SDHB: variants seen among roughly 807,000 people sequenced by gnomAD.
SDHB encodes the protein succinate dehydrogenase [ubiquinone] iron-sulfur subunit, mitochondrial.
SDHB carries 21 observed loss-of-function variants against 39.7 expected under a neutral mutation model. That is an observed-to-expected ratio of 0.53 (90% CI 0.37 to 0.76). The LOEUF is 0.76. Ranked by LOEUF, SDHB falls within the 30% of genes least tolerant of loss-of-function variation. The probability of loss-of-function intolerance (pLI) is 0.00; values close to 1 mark genes in which losing one functional copy is unlikely to be tolerated. For synonymous variants in SDHB, 118 were observed against 117.0 expected (o/e 1.01, Z -0.06); for missense variants, 343 against 350.9 (o/e 0.98, Z 0.18).
At chr1:17,029,099 T>TC (rs1284951546) in intron 3 of SDHB, among the ~76,000 whole-genome samples, 1 of 139,268 alleles carries the variant, frequency 7.2e-6, no homozygotes, top group Non-Finnish European at 1.5e-5. Context: ...GCCTGTTTTT[T>TC]TTTTTTTTTT....
chr1:17,036,159 G>A (rs905251261), intron 2 of SDHB, among the ~76,000 whole-genome samples: 2 of 152,122 alleles, frequency 1.3e-5, no homozygotes, highest in African/African-American at 4.8e-5. Flanking sequence ...GATGGGGATT[G>A]CAATGAATCT....
chr1:17,022,951 C>G (rs1255418555), intron 6 of SDHB: 5 of 530,220 alleles, frequency 9.4e-6, no homozygotes, highest in Non-Finnish European at 1.7e-5. Context: ...CCATACTGCA[C>G]CTGGTACCCG....
intron 2 of SDHB, among the ~76,000 whole-genome samples, chr1:17,041,241 A>G (rs2078078420): frequency 6.6e-6 from 1 of 152,200 alleles, no homozygotes; most frequent in South Asian, 2.1e-4. Flanking sequence ...GCCATCCGGT[A>G]AATTTTCCTT....
Position 17,036,993 on chromosome 1 carries a change from C to T in SDHB, c.201-3848G>A, listed in dbSNP as rs372915163. The stretch of plus-strand genomic sequence containing the variant: ...CATTTATCTGCTAATATCTGCTACA[C>T]GCCAGTATTTTCAGAAAAAGAATTA... On this transcript the variant is annotated intron_variant, in intron 2 of 7. Transcript: ENST00000375499. 4.6e-5 allele frequency among the ~76,000 whole-genome samples: 7 copies of T among 151,698 alleles called. No homozygotes were observed. The East Asian group carries it at 5.8e-4, about 13-fold the overall frequency.
chr1:17,054,026 T>G lies in SDHB; in HGVS notation c.-7A>C. On this transcript the variant is annotated 5_prime_UTR_variant, in exon 1 of 8. Coordinates refer to ENST00000375499, the MANE Select transcript of SDHB (RefSeq NM_003000.3). Reference sequence around the variant, plus strand: ...GGGCGACCACCGCCGCCATCTTGGCTCCTGACGTCAGCCCCACCCCTTAAC... The same window carrying G: ...GGGCGACCACCGCCGCCATCTTGGCGCCTGACGTCAGCCCCACCCCTTAAC... 6.2e-7 allele frequency: 1 copy of G among 1,607,792 alleles called. No homozygotes were observed. The highest frequency in any genetic ancestry group is 8.5e-7 in the Non-Finnish European group (1 of 1,176,112).
rs934611904 is a variant in SDHB at position 17,028,460 on chromosome 1, G to A, written c.423+140C>T. 13 of 847,946 alleles carry A rather than the reference G, an allele frequency of 1.5e-5. No individual in the cohort carries two copies. The African/African-American group carries it at 2.0e-4, about 13-fold the overall frequency. 52.5% of individuals were successfully genotyped at this position (847,946 alleles called of 1,614,324 possible). ...TCCTCCTGCCATAATATAGGAAACA[G>A]TCCCATCTATTTACTATCTGACTAG... On this transcript the variant is annotated intron_variant, in intron 4 of 7. Coordinates refer to ENST00000375499, the MANE Select transcript of SDHB (RefSeq NM_003000.3).
At chr1:17,030,645 C>G (rs1471025172) in intron 3 of SDHB, among the ~76,000 whole-genome samples, 1 of 151,822 alleles carries the variant, frequency 6.6e-6, no homozygotes, top group Non-Finnish European at 1.5e-5. Flanking sequence ...ATCATTAGGT[C>G]AGAGAAACCT....
chr1:17,028,245 A>G (rs1415855739), intron 4 of SDHB, among the ~76,000 whole-genome samples: 1 of 152,192 alleles, frequency 6.6e-6, no homozygotes, highest in Non-Finnish European at 1.5e-5. Flanking sequence ...TTATGGCCAA[A>G]TTATTCATTT....
intron 4 of SDHB, among the ~76,000 whole-genome samples, chr1:17,028,382 C>T (rs1022178212): frequency 1.3e-5 from 2 of 152,200 alleles, no homozygotes; most frequent in African/African-American, 4.8e-5. Flanking sequence ...AAACTCTGGC[C>T]ACACTGTCTC....
chr1:17,028,867 G>GAATGT, intron 3 of SDHB, 131 bp from the exon 4 acceptor site: 1 of 1,120,900 alleles, frequency 8.9e-7, no homozygotes, highest in Non-Finnish European at 1.3e-6. Context: ...TCTGACAGAG[G>GAATGT]TGCCTGTTGG....
At position 17,041,753 on chromosome 1, in the gene SDHB, A is replaced by T. The variant is rs115592506; in HGVS notation, c.200+3008T>A. On this transcript the variant is annotated intron_variant, in intron 2 of 7. Transcript: ENST00000375499. Reference sequence around the variant, plus strand: ...TGTTTTTCTGAAAAGTGTGGATTTTAAAATTTTACACAGGCAATTAATATG... The same window carrying T: ...TGTTTTTCTGAAAAGTGTGGATTTTTAAATTTTACACAGGCAATTAATATG... 5.4e-3 allele frequency among the ~76,000 whole-genome samples: 825 copies of T among 152,326 alleles called. 3 individuals are homozygous for T. The highest frequency in any genetic ancestry group is 8.5e-3 in the Non-Finnish European group (578 of 68,014).
chr1:17,019,014 AC>A, intron 7 of SDHB, 56 bp from the exon 8 acceptor site: 1 of 1,370,500 alleles, frequency 7.3e-7, no homozygotes, highest in Non-Finnish European at 1.0e-6. Flanking sequence ...GAAAGGGAAA[AC>A]CCACAATCTT....
chr1:17,045,032 T>C, intron 1 of SDHB, 144 bp from the exon 2 acceptor site: 1 of 741,864 alleles, frequency 1.3e-6, no homozygotes, highest in Non-Finnish European at 2.3e-6. Flanking sequence ...AGGCATTCAA[T>C]ATCCAACAAG....
At chr1:17,027,658 C>T (rs757890849) in intron 5 of SDHB, 91 bp downstream of exon 5, 6 of 833,836 alleles carry the variant, frequency 7.2e-6, no homozygotes, top group Non-Finnish European at 1.0e-5. Flanking sequence ...AAATGGCTTG[C>T]ATCAGCTTAT....
Position 17,027,518 on chromosome 1 carries a change from G to GCC in SDHB, c.540+229_540+230dup, listed in dbSNP as rs948367213. The stretch of plus-strand genomic sequence containing the variant: ...TGGAGTAGCCACACAGCAACCACCC[G>GCC]CCCCTGCAGGCGGGGCACAGGGCTC... On this transcript the variant is annotated intron_variant, in intron 5 of 7. Transcript: ENST00000375499. The GCC allele has an allele frequency of 6.4e-5, 34 of 531,016 alleles. No homozygotes were observed. In the African/African-American group the frequency reaches 6.5e-4, roughly 10 times the overall value. The allele number at this position is 531,016 out of a possible 1,614,324, so 32.9% of individuals were successfully genotyped here. A position where few individuals can be genotyped will look rare whatever the true frequency, so the allele number is the denominator to read the frequency against.
intron 2 of SDHB, among the ~76,000 whole-genome samples, chr1:17,039,046 T>A (rs958885600): frequency 3.9e-5 from 6 of 152,156 alleles, no homozygotes; most frequent in East Asian, 1.9e-4. Flanking sequence ...TTGCTTTTTT[T>A]AAAAAAATCT....
At chr1:17,046,112 T>C (rs1378708458) in intron 1 of SDHB, among the ~76,000 whole-genome samples, 2 of 152,130 alleles carry the variant, frequency 1.3e-5, no homozygotes, top group East Asian at 1.9e-4. Flanking sequence ...CAGCTAACAG[T>C]AGAAAAGAAG....
chr1:17,020,877 C>CA (rs2077957246), intron 7 of SDHB, among the ~76,000 whole-genome samples: 1 of 152,202 alleles, frequency 6.6e-6, no homozygotes. Context: ...ACTGGAAACA[C>CA]AGAGGGTTTC....
In SDHB at chr1:17,028,734, T is replaced by C; in HGVS notation, c.289A>G (p.Ile97Val). 6.2e-7 allele frequency: 1 copy of C among 1,614,066 alleles called. No individual in the cohort carries two copies. Among genetic ancestry groups the C allele is most frequent in the Non-Finnish European group, 8.5e-7 (1 of 1,180,044 alleles). Residue 97 changes from isoleucine (I) to valine (V), a missense_variant and splice_region_variant, in exon 4 of 8, where the codon ATC becomes GTC. Physicochemically the swap from Ile to Val is conservative, Grantham distance 29. Coordinates refer to ENST00000375499, the MANE Select transcript of SDHB (RefSeq NM_003000.3). The stretch of plus-strand genomic sequence containing the variant: ...ATGTTCATTGCACAAGAGCCACAGA[T>C]GCCTGAAAGAGACACACATTTAACA... The part of the protein sequence containing the change: ...LTFRRSCREG[I>V]CGSCAMNING...
Sources: gnomAD v4.1 joint callset for allele counts (sites outside exome capture counted in the v4.1 genomes callset) on GRCh38, gnomAD v4.1.1 for gene constraint, MANE v1.5 for transcripts, NCBI Gene and HGNC (gene_info 2026-07-23, HGNC 2026-07-21) for gene names.